Variants in SCRG1 observed in about 807,000 individuals in gnomAD.
SCRG1 encodes stimulator of chondrogenesis 1, also known as scrapie-responsive protein 1.
SCRG1 carries 3 observed loss-of-function variants against 7.7 expected under a neutral mutation model. The ratio of observed to expected loss-of-function variants is 0.39; its 90% CI spans 0.18 to 1.01. SCRG1 has a LOEUF of 1.01. Ranked by LOEUF, SCRG1 falls within the 50% of genes least tolerant of loss-of-function variation. The probability of loss-of-function intolerance (pLI) is 0.36; values close to 1 mark genes in which losing one functional copy is unlikely to be tolerated. For missense variants in SCRG1, 110 were observed against 117.2 expected, an observed-to-expected ratio of 0.94 and a Z score of 0.28; for synonymous variants, 46 against 41.2, an observed-to-expected ratio of 1.12 and a Z score of -0.44.
chr4:173,483,947 TATATA>T, the SCRG1 span, among the ~76,000 whole-genome samples: 6 of 83,262 alleles, frequency 7.2e-5, no homozygotes, highest in African/African-American at 9.9e-5. Flanking sequence ...ATATAAATCA[TATATA>T]ATATATTATA....
the SCRG1 span, among the ~76,000 whole-genome samples, chr4:173,497,463 G>A: frequency 4.0e-5 from 6 of 151,794 alleles, no homozygotes; most frequent in East Asian, 1.9e-4. Context: ...TACACATCCC[G>A]GGAAAACATA....
the SCRG1 span, among the ~76,000 whole-genome samples, chr4:173,412,976 G>A: frequency 0.041 from 6,183 of 152,162 alleles, 215 homozygotes; most frequent in African/African-American, 0.088. Context: ...CACATCTACC[G>A]ACATGTGCAA....
At chr4:173,511,952 G>T in the SCRG1 span, among the ~76,000 whole-genome samples, 253 of 152,250 alleles carry the variant, frequency 1.7e-3, no homozygotes, top group African/African-American at 5.9e-3. This position sits in a 1 kb window ranked among gnomAD's most constrained non-coding sequence, Gnocchi z 5.2. Context: ...CCTGAATACG[G>T]TGCTGTCCAA....
upstream of SCRG1, chr4:173,399,199 C>T (rs750085924): frequency 2.6e-5 from 4 of 152,214 alleles, no homozygotes; most frequent in African/African-American, 4.8e-5. Flanking sequence ...CTTTGTCTGC[C>T]TTGTCTCTGG....
At chr4:173,479,536 G>T in the SCRG1 span, among the ~76,000 whole-genome samples, 1 of 151,128 alleles carries the variant, frequency 6.6e-6, no homozygotes, top group Admixed American at 6.6e-5. Flanking sequence ...TGCCTCCTGG[G>T]TTCAAGCGAT....
At chr4:173,455,603 T>C in the SCRG1 span, among the ~76,000 whole-genome samples, 1 of 152,118 alleles carries the variant, frequency 6.6e-6, no homozygotes, top group East Asian at 1.9e-4. Context: ...GAAGTTTGCA[T>C]AGCAGCCAGT....
At chr4:173,407,488 T>C (rs1217859320), upstream of SCRG1, among the ~76,000 whole-genome samples, 1 of 152,124 alleles carries the variant, frequency 6.6e-6, no homozygotes, top group Non-Finnish European at 1.5e-5. Context: ...TGAGCCGAGA[T>C]AGCGCCACTG....
the SCRG1 span, among the ~76,000 whole-genome samples, chr4:173,507,343 G>A: frequency 6.6e-6 from 1 of 152,140 alleles, no homozygotes; most frequent in Non-Finnish European, 1.5e-5. The surrounding 1 kb of genome is among the most constrained non-coding windows in gnomAD (Gnocchi z 4.4). Context: ...CCGAGTAGCT[G>A]GGATTACAGG....
chr4:173,391,361 A>C lies in SCRG1; in HGVS notation c.54T>G (p.Val18=). 1 of 1,614,192 alleles carries C rather than the reference A, an allele frequency of 6.2e-7. No homozygotes were observed. Among genetic ancestry groups the C allele is most frequent in the South Asian group, 1.1e-5 (1 of 91,090 alleles). Residue 18 remains valine (V), a synonymous_variant, in exon 2 of 3, where the codon GTT becomes GTG. Coordinates refer to ENST00000296506, the MANE Select transcript of SCRG1 (RefSeq NM_007281.4). The stretch of plus-strand genomic sequence containing the variant: ...AGAGGCGATTTGCAGGCATGGCTTG[A>C]ACTCCTAGCAGCAAAGTTAGCCCAA... ...FTIGLTLLLG[V]QAMPANRLSC... is the part of the protein sequence containing the mutation.
At chr4:173,480,420 G>A in the SCRG1 span, among the ~76,000 whole-genome samples, 1 of 151,930 alleles carries the variant, frequency 6.6e-6, no homozygotes, top group African/African-American at 2.4e-5. Flanking sequence ...ATGAGAAAAG[G>A]GGAAACAGGG....
chr4:173,429,247 G>C, the SCRG1 span, among the ~76,000 whole-genome samples: 2 of 152,038 alleles, frequency 1.3e-5, no homozygotes, highest in African/African-American at 4.8e-5. Flanking sequence ...AACCTTTCTA[G>C]TAAGAAACCA....
At chr4:173,465,233 A>T in the SCRG1 span, among the ~76,000 whole-genome samples, 1 of 152,198 alleles carries the variant, frequency 6.6e-6, no homozygotes, top group Non-Finnish European at 1.5e-5. Context: ...AAATAGTGAA[A>T]ATGGTAAATG....
the SCRG1 span, among the ~76,000 whole-genome samples, chr4:173,460,761 C>T: frequency 6.6e-6 from 1 of 152,132 alleles, no homozygotes; most frequent in Non-Finnish European, 1.5e-5. Context: ...CAAGTGGGCT[C>T]CTAGGGTCCA....
chr4:173,464,348 G>A, the SCRG1 span, among the ~76,000 whole-genome samples: 1 of 152,124 alleles, frequency 6.6e-6, no homozygotes, highest in Non-Finnish European at 1.5e-5. Context: ...GGACTAGAAC[G>A]TGTTTATTCA....
chr4:173,484,555 T>TTATATACATATAATA, the SCRG1 span, among the ~76,000 whole-genome samples: 1 of 85,560 alleles, frequency 1.2e-5, no homozygotes, highest in Non-Finnish European at 2.0e-5. Context: ...ATTTTATATG[T>TTATATACATATAATA]TATATATTAT....
chr4:173,418,516 G>T, the SCRG1 span, among the ~76,000 whole-genome samples: 1 of 152,214 alleles, frequency 6.6e-6, no homozygotes, highest in Non-Finnish European at 1.5e-5. Flanking sequence ...AAACCATTGA[G>T]AATTTGGTGT....
chr4:173,422,595 A>C, the SCRG1 span, among the ~76,000 whole-genome samples: 4 of 152,276 alleles, frequency 2.6e-5, no homozygotes, highest in African/African-American at 9.6e-5. Context: ...GATGTGAAAA[A>C]GTCAAAAGGA....
the SCRG1 span, among the ~76,000 whole-genome samples, chr4:173,422,210 C>A: frequency 4.6e-5 from 7 of 152,208 alleles, no homozygotes; most frequent in East Asian, 1.3e-3. Context: ...AAATCAAAAA[C>A]ATTATCAACA....
At chr4:173,489,827 T>C in the SCRG1 span, among the ~76,000 whole-genome samples, 1 of 152,214 alleles carries the variant, frequency 6.6e-6, no homozygotes, top group Non-Finnish European at 1.5e-5. Flanking sequence ...TTTATTTGCA[T>C]GTGTGGTATC....
Sources: gnomAD v4.1 joint callset for allele counts (sites outside exome capture counted in the v4.1 genomes callset) on GRCh38, gnomAD v4.1.1 for gene constraint, Gnocchi (gnomAD v3.1) non-coding constraint, MANE v1.5 for transcripts, NCBI Gene and HGNC (gene_info 2026-07-23, HGNC 2026-07-21) for gene names.